SLC24A2: variants seen among roughly 807,000 people sequenced by gnomAD.
The protein encoded by SLC24A2 is sodium/potassium/calcium exchanger 2.
A neutral mutation model predicts 62.0 loss-of-function variants in SLC24A2; 36 were observed. The ratio of observed to expected loss-of-function variants is 0.58; its 90% CI spans 0.44 to 0.77. The LOEUF is 0.77. SLC24A2 is among the 30% of genes least tolerant of loss of function. The pLI is 0.00. For synonymous variants in SLC24A2, 358 were observed against 294.0 expected (o/e 1.22, Z -2.23); for missense variants, 846 against 817.9 (o/e 1.03, Z -0.42).
the SLC24A2 span, among the ~76,000 whole-genome samples, chr9:20,095,158 T>C: frequency 1.3e-5 from 2 of 152,234 alleles, no homozygotes; most frequent in African/African-American, 4.8e-5. Context: ...TGTTTTGGAA[T>C]AGTTTTTTCA....
chr9:20,221,888 C>T, the SLC24A2 span, among the ~76,000 whole-genome samples: 38 of 151,780 alleles, frequency 2.5e-4, no homozygotes, highest in Non-Finnish European at 4.7e-4. Flanking sequence ...TATTTATTGC[C>T]CACAGACACT....
At chr9:19,993,727 G>C in the SLC24A2 span, among the ~76,000 whole-genome samples, 1 of 152,062 alleles carries the variant, frequency 6.6e-6, no homozygotes, top group South Asian at 2.1e-4. Flanking sequence ...TGAGCATTTC[G>C]TGGTCCTGTT....
At chr9:19,618,719 A>G (rs1427287409) in intron 4 of SLC24A2, among the ~76,000 whole-genome samples, 1 of 152,210 alleles carries the variant, frequency 6.6e-6, no homozygotes, top group Non-Finnish European at 1.5e-5. Context: ...GGCTTCATTC[A>G]GTGGCACGTA....
intron 2 of SLC24A2, among the ~76,000 whole-genome samples, chr9:19,622,833 G>A (rs927627678): frequency 6.6e-6 from 1 of 151,944 alleles, no homozygotes; most frequent in African/African-American, 2.4e-5. Context: ...TGTTTTGGGG[G>A]GAGTCAGCAT....
chr9:20,263,530 A>T, the SLC24A2 span, among the ~76,000 whole-genome samples: 1 of 152,196 alleles, frequency 6.6e-6, no homozygotes, highest in African/African-American at 2.4e-5. Context: ...GATTACAGGC[A>T]GGAACCACTG....
intron 2 of SLC24A2, among the ~76,000 whole-genome samples, chr9:19,716,207 A>C (rs76273807): frequency 0.02 from 3,024 of 152,188 alleles, 99 homozygotes; most frequent in African/African-American, 0.069. Flanking sequence ...CCATATCGCA[A>C]GATACCATGT....
chr9:20,022,764 G>C, the SLC24A2 span, among the ~76,000 whole-genome samples: 1 of 149,942 alleles, frequency 6.7e-6, no homozygotes, highest in Non-Finnish European at 1.5e-5. Flanking sequence ...TGAATCCTTT[G>C]CTATTATCCT....
chr9:20,068,950 A>G, the SLC24A2 span, among the ~76,000 whole-genome samples: 2 of 152,146 alleles, frequency 1.3e-5, no homozygotes, highest in Non-Finnish European at 2.9e-5. Flanking sequence ...CAAACCTACA[A>G]ATATAACAGC....
At chr9:19,790,823 C>T (rs1823310590), upstream of SLC24A2, among the ~76,000 whole-genome samples, 1 of 152,162 alleles carries the variant, frequency 6.6e-6, no homozygotes, top group South Asian at 2.1e-4. Context: ...CAATAGGTGC[C>T]TCTGGCTACA....
intron 5 of SLC24A2, among the ~76,000 whole-genome samples, chr9:19,590,820 G>GCAAGT (rs1836528950): frequency 6.6e-6 from 1 of 151,974 alleles, no homozygotes; most frequent in Non-Finnish European, 1.5e-5. Context: ...TAAGTTTTTG[G>GCAAGT]CAAGTCAAAA....
At chr9:19,552,380 C>G (rs1162463704) in intron 7 of SLC24A2, among the ~76,000 whole-genome samples, 3 of 152,226 alleles carry the variant, frequency 2.0e-5, no homozygotes, top group Non-Finnish European at 2.9e-5. Flanking sequence ...TGTCTGTTCC[C>G]TCCCAGATAT....
At chr9:20,240,953 G>A in the SLC24A2 span, among the ~76,000 whole-genome samples, 1 of 152,152 alleles carries the variant, frequency 6.6e-6, no homozygotes. Flanking sequence ...ATGAATTGAG[G>A]CACAGTTTCA....
At chr9:19,963,559 G>A in the SLC24A2 span, among the ~76,000 whole-genome samples, 11 of 152,296 alleles carry the variant, frequency 7.2e-5, no homozygotes, top group South Asian at 2.1e-4. Context: ...GTGGGTGAAG[G>A]ACATGAACAG....
rs77121386 is a variant in SLC24A2 at position 19,694,888 on chromosome 9, C to T, written c.931-72589G>A. On this transcript the variant is annotated intron_variant, in intron 2 of 10. Coordinates refer to ENST00000341998, the MANE Select transcript of SLC24A2 (RefSeq NM_020344.4). ...ACAGAGTGAAAATGGAGGAACTGTG[C>T]AAATTGCTGTACTAGGCCCCTCATC... Among the ~76,000 whole-genome samples, 649 of 152,204 alleles carry T rather than the reference C, an allele frequency of 4.3e-3. 4 individuals carry two copies. Among genetic ancestry groups the T allele is most frequent in the African/African-American group, 0.015 (621 of 41,548 alleles).
chr9:20,283,337 T>C, the SLC24A2 span, among the ~76,000 whole-genome samples: 3 of 152,202 alleles, frequency 2.0e-5, no homozygotes, highest in African/African-American at 7.2e-5. Flanking sequence ...CAGTTCAGAC[T>C]ACCTAAAGTG....
intron 2 of SLC24A2, among the ~76,000 whole-genome samples, chr9:19,768,280 C>G (rs1313769621): frequency 6.6e-6 from 1 of 152,170 alleles, no homozygotes; most frequent in Non-Finnish European, 1.5e-5. Context: ...ACCTCTAATT[C>G]ACATTCTCTC....
chr9:20,251,600 A>G, the SLC24A2 span, among the ~76,000 whole-genome samples: 12 of 152,226 alleles, frequency 7.9e-5, no homozygotes, highest in African/African-American at 2.9e-4. Context: ...TAAAGTAAGT[A>G]TCAGGAATTA....
At chr9:19,688,254 T>C (rs1226400571) in intron 2 of SLC24A2, among the ~76,000 whole-genome samples, 1 of 152,144 alleles carries the variant, frequency 6.6e-6, no homozygotes, top group Non-Finnish European at 1.5e-5. Flanking sequence ...GCTTTATGGA[T>C]TACTGATTGT....
intron 2 of SLC24A2, among the ~76,000 whole-genome samples, chr9:19,756,247 T>C (rs953049039): frequency 6.6e-6 from 1 of 152,178 alleles, no homozygotes; most frequent in African/African-American, 2.4e-5. Flanking sequence ...AGTTGATATA[T>C]AATAAATATT....
Sources: gnomAD v4.1 joint callset for allele counts (sites outside exome capture counted in the v4.1 genomes callset) on GRCh38, gnomAD v4.1.1 for gene constraint, MANE v1.5 for transcripts, NCBI Gene and HGNC (gene_info 2026-07-23, HGNC 2026-07-21) for gene names.